ZNF571: variants seen among roughly 807,000 people sequenced by gnomAD.
The protein encoded by ZNF571 is zinc finger protein 571.
In ZNF571, 4 loss-of-function variants were observed where a neutral mutation model predicts 7.7. The observed-to-expected ratio is 0.52, with a 90% CI of 0.25 to 1.18. The LOEUF (loss-of-function observed/expected upper bound fraction) is 1.18. Among genes scored for constraint, ZNF571 ranks in the 50% most tolerant of loss-of-function variants. The probability of loss-of-function intolerance (pLI) is 0.14; values close to 1 mark genes in which losing one functional copy is unlikely to be tolerated. For missense variants in ZNF571, 704 were observed against 726.9 expected (o/e 0.97, Z 0.36); for synonymous variants, 251 against 232.4 (o/e 1.08, Z -0.73).
rs1472491025 is a variant in ZNF571, at chr19:37,565,901, A to C, written c.527T>G (p.Phe176Cys). The change falls in exon 4 of 4, where the codon TTT (phenylalanine) becomes TGT (cysteine). Residue 176 changes from phenylalanine (F) to cysteine (C), a missense_variant. By Grantham distance (205) the Phe-to-Cys change is radical. Coordinates refer to ENST00000451802, the MANE Select transcript of ZNF571 (RefSeq NM_016536.5). The part of the protein sequence containing the change: ...CSEVKKHRNT[F>C]SKKPSYIQHQ... Reference sequence around the variant, plus strand: ...TTGAATATAGCTTGGCTTTTTGCTAAAGGTATTCCTGTGTTTCTTAACTTC... The same window carrying C: ...TTGAATATAGCTTGGCTTTTTGCTACAGGTATTCCTGTGTTTCTTAACTTC... 2 of 1,613,882 alleles carry C rather than the reference A, an allele frequency of 1.2e-6. No homozygotes were observed. Among genetic ancestry groups the C allele is most frequent in the Admixed American group, 1.7e-5 (1 of 59,976 alleles).
intron 1 of ZNF571, among the ~76,000 whole-genome samples, chr19:37,589,941 A>G (rs964329178): frequency 6.6e-5 from 10 of 151,178 alleles, no homozygotes; most frequent in Non-Finnish European, 1.3e-4. Flanking sequence ...ACTGAGGAAC[A>G]ATCTACAAAA....
intron 3 of ZNF571, among the ~76,000 whole-genome samples, chr19:37,573,832 CAA>C (rs753161725): frequency 1.0e-4 from 12 of 117,674 alleles, no homozygotes; most frequent in East Asian, 2.4e-4. Flanking sequence ...GATCCTGTTT[CAA>C]AAAAAAAAAA....
intron 1 of ZNF571, among the ~76,000 whole-genome samples, chr19:37,593,039 A>G (rs148240486): frequency 6.6e-6 from 1 of 152,342 alleles, no homozygotes; most frequent in East Asian, 1.9e-4. Flanking sequence ...GAAAATCTGA[A>G]TATGGGGGTA....
At position 37,565,593 on chromosome 19, in the gene ZNF571, A is replaced by G. The variant is rs2042826474; in HGVS notation, c.835T>C (p.Tyr279His). The change falls in exon 4 of 4, where the codon TAT becomes CAT. Residue 279 changes from tyrosine to histidine, a missense_variant. By Grantham distance (83) the Tyr-to-His change is moderately conservative. Coordinates refer to ENST00000451802, the MANE Select transcript of ZNF571 (RefSeq NM_016536.5). ...HQRIHSGEKP[Y>H]ECKDCGKAFI... The stretch of plus-strand genomic sequence containing the variant: ...GCCTTCCCACAATCCTTACATTCAT[A>G]GGGTTTTTCACCACTATGAATTCTC... The G allele has an allele frequency of 6.2e-7, 1 of 1,613,460 alleles. No homozygotes were observed. The highest frequency in any genetic ancestry group is 8.5e-7 in the Non-Finnish European group (1 of 1,179,848).
chr19:37,576,542 C>T (rs1024496542), intron 3 of ZNF571, among the ~76,000 whole-genome samples: 3 of 152,098 alleles, frequency 2.0e-5, no homozygotes, highest in African/African-American at 4.8e-5. Flanking sequence ...ACTAATTTTC[C>T]TTAGGGTTTG....
chr19:37,582,668 T>C (rs1477708631), intron 3 of ZNF571, among the ~76,000 whole-genome samples: 1 of 152,212 alleles, frequency 6.6e-6, no homozygotes, highest in East Asian at 1.9e-4. Flanking sequence ...TACGTAACTC[T>C]TGACTTCCTT....
intron 3 of ZNF571, among the ~76,000 whole-genome samples, chr19:37,577,833 G>A (rs576183513): frequency 1.3e-5 from 2 of 152,162 alleles, no homozygotes; most frequent in Non-Finnish European, 2.9e-5. Flanking sequence ...AAACAAAGTC[G>A]GAAGTAAATA....
At chr19:37,581,912 T>C (rs557802024) in intron 3 of ZNF571, among the ~76,000 whole-genome samples, 1 of 152,102 alleles carries the variant, frequency 6.6e-6, no homozygotes, top group Non-Finnish European at 1.5e-5. Flanking sequence ...TTCCTGTCTA[T>C]ACCTTTTGCT....
intron 1 of ZNF571, among the ~76,000 whole-genome samples, chr19:37,587,902 A>T (rs2043732650): frequency 6.6e-6 from 1 of 151,998 alleles, no homozygotes; most frequent in African/African-American, 2.4e-5. Flanking sequence ...ACTTGAGGTC[A>T]GGAGTTCAAG....
intron 1 of ZNF571, among the ~76,000 whole-genome samples, chr19:37,590,366 A>G (rs2043831963): frequency 6.6e-6 from 1 of 152,098 alleles, no homozygotes; most frequent in African/African-American, 2.4e-5. Context: ...GCAGTGAGCC[A>G]AGATCTCGCC....
chr19:37,567,049 T>G (rs536885988), intron 3 of ZNF571, among the ~76,000 whole-genome samples: 1 of 152,300 alleles, frequency 6.6e-6, no homozygotes, highest in East Asian at 1.9e-4. Flanking sequence ...TGCCTACAGT[T>G]TTGTCTTTAG....
At chr19:37,581,621 T>C (rs1420432491) in intron 3 of ZNF571, among the ~76,000 whole-genome samples, 1 of 151,968 alleles carries the variant, frequency 6.6e-6, no homozygotes, top group East Asian at 1.9e-4. Flanking sequence ...TGTGACATAA[T>C]GCCCTGCTAA....
intron 3 of ZNF571, among the ~76,000 whole-genome samples, chr19:37,581,984 A>G (rs183865860): frequency 9.6e-4 from 146 of 152,228 alleles, no homozygotes; most frequent in Middle Eastern, 6.8e-3. Flanking sequence ...AATTTGTTCC[A>G]TGGATTTTTA....
At chr19:37,571,854 C>T (rs1277520668) in intron 3 of ZNF571, among the ~76,000 whole-genome samples, 1 of 152,222 alleles carries the variant, frequency 6.6e-6, no homozygotes, top group Non-Finnish European at 1.5e-5. Flanking sequence ...CAGATTGCAT[C>T]TAACCTTTAA....
chr19:37,581,596 C>T (rs1240458066), intron 3 of ZNF571, among the ~76,000 whole-genome samples: 1 of 151,766 alleles, frequency 6.6e-6, no homozygotes, highest in Admixed American at 6.6e-5. Flanking sequence ...TCCCAAGTAG[C>T]TAGGACCACA....
At chr19:37,574,892 G>A (rs780023709) in intron 3 of ZNF571, among the ~76,000 whole-genome samples, 2 of 152,020 alleles carry the variant, frequency 1.3e-5, no homozygotes, top group Admixed American at 6.5e-5. Flanking sequence ...GCCATGAGTC[G>A]GCCTTCATAA....
chr19:37,583,985 T>A lies in ZNF571; in HGVS notation c.122A>T (p.Asn41Ile). The A allele has an allele frequency of 6.2e-7, 1 of 1,611,658 alleles. No individual in the cohort carries two copies. The highest frequency in any genetic ancestry group is 1.1e-5 in the South Asian group (1 of 90,826). The change falls in exon 3 of 4, where the codon AAC becomes ATC. Residue 41 changes from asparagine (N) to isoleucine (I), a missense_variant. Coordinates refer to ENST00000451802, the MANE Select transcript of ZNF571 (RefSeq NM_016536.5). ...YRDVMLENYS[N>I]LISLDLESSC... ...GATGATCTTACCCAATGAGATCAGG[T>A]TGCTGTAGTTCTCCAACATCACATC...
intron 3 of ZNF571, among the ~76,000 whole-genome samples, chr19:37,578,186 C>G (rs546373483): frequency 1.3e-5 from 2 of 152,272 alleles, no homozygotes; most frequent in South Asian, 4.1e-4. Context: ...TACTGTGTTC[C>G]ATGAAACCAG....
chr19:37,566,153 C>T lies in ZNF571; in HGVS notation c.275G>A (p.Cys92Tyr), dbSNP rs1476142402. ...TTCTTGACCCTCTAAGTTGCCTTTG[C>T]ACTCCATATTGTCTCCAAGACCATT... is the stretch of plus-strand genomic sequence containing the variant. ...QYNGLGDNME[C>Y]KGNLEGQEAS... Residue 92 changes from cysteine (C) to tyrosine (Y), a missense_variant, in exon 4 of 4, where the codon TGC (cysteine) becomes TAC (tyrosine). By Grantham distance (194) the Cys-to-Tyr change is radical (BLOSUM62 -2). Coordinates refer to ENST00000451802, the MANE Select transcript of ZNF571 (RefSeq NM_016536.5). 31 of 1,613,894 alleles carry T rather than the reference C, an allele frequency of 1.9e-5. No homozygotes were observed. Among genetic ancestry groups the T allele is most frequent in the African/African-American group, 2.7e-5 (2 of 74,904 alleles).
Sources: allele counts gnomAD v4.1 joint callset (sites outside exome capture counted in the v4.1 genomes callset), GRCh38; gene constraint gnomAD v4.1.1; transcripts MANE v1.5; gene names NCBI Gene and HGNC (gene_info 2026-07-23, HGNC 2026-07-21).